Variants in AFTPH observed in about 807,000 individuals in gnomAD.
AFTPH encodes the protein aftiphilin protein.
A neutral mutation model predicts 72.5 loss-of-function variants in AFTPH; 7 were observed. That is an observed-to-expected ratio of 0.10 (90% CI 0.05 to 0.18). AFTPH has a LOEUF of 0.18. Among genes scored for constraint, AFTPH ranks in the 10% least tolerant of loss-of-function variants. The pLI is 1.00. For synonymous variants in AFTPH, 337 were observed against 370.1 expected (o/e 0.91, Z 1.03); for missense variants, 979 against 1,060.5 (o/e 0.92, Z 1.07).
chr2:64,563,574 A>C (rs1251998459), intron 2 of AFTPH, among the ~76,000 whole-genome samples: 1 of 152,202 alleles, frequency 6.6e-6, no homozygotes, highest in Non-Finnish European at 1.5e-5. Flanking sequence ...ATATTCTTGT[A>C]ACTGTTCTAC....
At chr2:64,587,182 A>T (rs192139227) in intron 8 of AFTPH, among the ~76,000 whole-genome samples, 28 of 152,176 alleles carry the variant, frequency 1.8e-4, no homozygotes, top group Non-Finnish European at 3.2e-4. Context: ...AGCTATTTTC[A>T]TTTTTTCTCT....
rs1274685386 is a variant in AFTPH at position 64,572,194 on chromosome 2, TG to T, written c.2272-749del. Among the ~76,000 whole-genome samples, 4 of 144,118 alleles carry T rather than the reference TG, an allele frequency of 2.8e-5. No individual in the cohort carries two copies. In the East Asian group the frequency reaches 8.0e-4, roughly 29 times the overall value. The allele number at this position is 144,118 out of a possible 152,430, so 94.5% of individuals were successfully genotyped here. A position where few individuals can be genotyped will look rare whatever the true frequency, so the allele number is the denominator to read the frequency against. On this transcript the variant is annotated intron_variant, in intron 5 of 8. Coordinates refer to ENST00000238856, the Ensembl canonical transcript of AFTPH. ...GAGATCACACCATTGCACTCCATCCTGGGCAACAGGAGCAAAACTCTGTCTC... is the reference window on the plus strand; with the variant it reads ...GAGATCACACCATTGCACTCCATCCTGGCAACAGGAGCAAAACTCTGTCTC...
chr2:64,559,912 C>T (rs943587977), intron 2 of AFTPH, among the ~76,000 whole-genome samples: 1 of 151,976 alleles, frequency 6.6e-6, no homozygotes, highest in African/African-American at 2.4e-5. Flanking sequence ...GCCATGTTGC[C>T]CAGATGGTCT....
exon 9 of AFTPH, chr2:64,592,056 T>A (rs1313585647): frequency 5.0e-6 from 8 of 1,604,176 alleles, no homozygotes; most frequent in Non-Finnish European, 6.8e-6. Flanking sequence ...TTGGACAGTT[T>A]CTATTGCTTT....
intron 2 of AFTPH, among the ~76,000 whole-genome samples, chr2:64,558,321 A>G (rs1671515904): frequency 6.6e-6 from 1 of 152,208 alleles, no homozygotes; most frequent in Admixed American, 6.5e-5. Flanking sequence ...CTTTAAGTGA[A>G]AGGACATATA....
intron 1 of AFTPH, among the ~76,000 whole-genome samples, chr2:64,529,292 T>C (rs1441103393): frequency 6.7e-6 from 1 of 149,796 alleles, no homozygotes; most frequent in African/African-American, 2.5e-5. Flanking sequence ...ATCCTTCCTA[T>C]TTCAAATTTT....
At chr2:64,552,755 C>T (rs758476298) in exon 2 of AFTPH, 1 of 1,614,164 alleles carries the variant, frequency 6.2e-7, no homozygotes, top group Non-Finnish European at 8.5e-7. Flanking sequence ...GCAATGATAT[C>T]AATGAAGATG....
chr2:64,544,315 T>C (rs1180324230), intron 1 of AFTPH, among the ~76,000 whole-genome samples: 1 of 152,222 alleles, frequency 6.6e-6, no homozygotes, highest in Non-Finnish European at 1.5e-5. Flanking sequence ...TCAACTGTTT[T>C]TGTATACAGT....
intron 7 of AFTPH, 89 bp from the exon 8 acceptor site, chr2:64,581,101 G>T: frequency 1.3e-6 from 1 of 770,596 alleles, no homozygotes; most frequent in Non-Finnish European, 2.1e-6. Context: ...ATGTTCAAGT[G>T]TGTGTCTTAC....
intron 2 of AFTPH, among the ~76,000 whole-genome samples, chr2:64,555,264 A>G (rs1270803279): frequency 1.3e-5 from 2 of 152,144 alleles, no homozygotes; most frequent in African/African-American, 4.8e-5. Flanking sequence ...GGCAAGATGC[A>G]TTAAGAGTTT....
chr2:64,583,625 T>C (rs1315664592), intron 7 of AFTPH, among the ~76,000 whole-genome samples: 1 of 152,200 alleles, frequency 6.6e-6, no homozygotes, highest in Non-Finnish European at 1.5e-5. Flanking sequence ...ATCTAGCCTT[T>C]AGAGAGGGAG....
At chr2:64,578,304 C>T (rs762232830) in intron 6 of AFTPH, among the ~76,000 whole-genome samples, 11 of 151,916 alleles carry the variant, frequency 7.2e-5, no homozygotes, top group East Asian at 1.9e-4. Flanking sequence ...TACAATAAAG[C>T]GTAGTGGTAA....
chr2:64,537,194 A>G (rs749617563), intron 1 of AFTPH, among the ~76,000 whole-genome samples: 1 of 152,180 alleles, frequency 6.6e-6, no homozygotes, highest in Non-Finnish European at 1.5e-5. Context: ...ATTTGCATGA[A>G]TGCCTCTGTA....
intron 8 of AFTPH, among the ~76,000 whole-genome samples, chr2:64,591,074 A>T (rs942992595): frequency 4.6e-5 from 7 of 152,220 alleles, no homozygotes; most frequent in Non-Finnish European, 8.8e-5. Flanking sequence ...AAAAAGTTTG[A>T]ATTGCAATCA....
intron 2 of AFTPH, among the ~76,000 whole-genome samples, chr2:64,560,884 A>T (rs1490256609): frequency 6.6e-6 from 1 of 152,176 alleles, no homozygotes; most frequent in Non-Finnish European, 1.5e-5. Flanking sequence ...GGGGAGGAAA[A>T]AAAAGAAAGT....
chr2:64,573,025 C>T (rs1672539446), exon 6 of AFTPH: 1 of 1,614,134 alleles, frequency 6.2e-7, no homozygotes, highest in Non-Finnish European at 8.5e-7. Flanking sequence ...CAGACAGCCA[C>T]CATGTCACCA....
Position 64,591,827 on chromosome 2 carries a change from TCC to T in AFTPH, c.2580-56_2580-55del, listed in dbSNP as rs1165317964. The T allele has an allele frequency of 2.3e-5, 36 of 1,579,404 alleles. No individual in the cohort carries two copies. The Admixed American group carries it at 5.6e-4, about 24-fold the overall frequency. On this transcript the variant is annotated intron_variant, in intron 8 of 8. Coordinates refer to ENST00000238856, the Ensembl canonical transcript of AFTPH. ...CTGTCTACCTTGAGAGTGGATTGTC[TCC>T]CATTTTACCTACAGCAAAGTCACAT...
intron 5 of AFTPH, among the ~76,000 whole-genome samples, chr2:64,571,066 C>CT (rs554369765): frequency 6.6e-6 from 1 of 151,622 alleles, no homozygotes; most frequent in Admixed American, 6.6e-5. Context: ...CATTTAGAAA[C>CT]TTTTTTTTAA....
At chr2:64,566,323 A>G (rs112191767) in intron 2 of AFTPH, among the ~76,000 whole-genome samples, 18 of 152,290 alleles carry the variant, frequency 1.2e-4, no homozygotes, top group African/African-American at 3.4e-4. Context: ...CTTTTGTAGA[A>G]TTACAAAAGA....
Sources: allele counts gnomAD v4.1 joint callset (sites outside exome capture counted in the v4.1 genomes callset), GRCh38; gene constraint gnomAD v4.1.1; transcripts MANE v1.5; gene names NCBI Gene and HGNC (gene_info 2026-07-23, HGNC 2026-07-21).